PARD3B: variants seen among roughly 807,000 people sequenced by gnomAD.
The protein encoded by PARD3B is par-3 family cell polarity regulator beta.
A neutral mutation model predicts 130.2 loss-of-function variants in PARD3B; 103 were observed. The ratio of observed to expected loss-of-function variants is 0.79; its 90% CI spans 0.67 to 0.93. The LOEUF (loss-of-function observed/expected upper bound fraction) is 0.93, where lower values mean the gene tolerates loss of function less well. Ranked by LOEUF, PARD3B falls within the 40% of genes least tolerant of loss-of-function variation. PARD3B has a pLI of 0.00. For missense variants in PARD3B, 1,609 were observed against 1,499.2 expected (o/e 1.07, Z -1.21); for synonymous variants, 583 against 553.2 (o/e 1.05, Z -0.76).
intron 2 of PARD3B, among the ~76,000 whole-genome samples, chr2:204,934,011 A>T (rs1465751272): frequency 1.3e-5 from 2 of 152,152 alleles, no homozygotes; most frequent in Non-Finnish European, 2.9e-5. Context: ...CCTTATTCCT[A>T]TGAGCAAAGG....
At position 204,903,394 on chromosome 2, in the gene PARD3B, C is replaced by T. The variant is rs560574440; in HGVS notation, c.223-61758C>T. 3.3e-5 allele frequency among the ~76,000 whole-genome samples: 5 copies of T among 152,150 alleles called. No individual in the cohort carries two copies. In the East Asian group the frequency reaches 9.7e-4, roughly 29 times the overall value. On this transcript the variant is annotated intron_variant, in intron 2 of 22. Transcript: ENST00000406610. ...TTCTTCTTCTCTGTGGGGAGTAAGG[C>T]CTTAGGACATGCCATTTAATTACAT...
intron 19 of PARD3B, among the ~76,000 whole-genome samples, chr2:205,408,221 T>C (rs976236336): frequency 6.6e-6 from 1 of 152,200 alleles, no homozygotes; most frequent in Admixed American, 6.5e-5. Flanking sequence ...TTAGTTTAAA[T>C]CAATACATGT....
chr2:204,877,451 A>G (rs1387697453), intron 2 of PARD3B, among the ~76,000 whole-genome samples: 2 of 152,198 alleles, frequency 1.3e-5, no homozygotes, highest in African/African-American at 4.8e-5. Flanking sequence ...ACTCACATAG[A>G]AGGAGGGCTG....
rs989389280 is a variant in PARD3B, at chr2:205,584,061, T to C, written c.3260+30658T>C. Among the ~76,000 whole-genome samples the C allele has an allele frequency of 1.3e-5, 2 of 152,204 alleles. No homozygotes were observed. Among genetic ancestry groups the C allele is most frequent in the Admixed American group, 6.5e-5 (1 of 15,282 alleles). On this transcript the variant is annotated intron_variant, in intron 22 of 22. Coordinates refer to ENST00000406610, the MANE Select transcript of PARD3B (RefSeq NM_001302769.2). The surrounding 1 kb of genome is among the most constrained non-coding windows in gnomAD (Gnocchi z 5.5). Reference sequence around the variant, plus strand: ...TCTTGGAAACTTGATTTTCGAAGTATTTAGGAAAATGCTTCAAAGTCAAAA... The same window carrying C: ...TCTTGGAAACTTGATTTTCGAAGTACTTAGGAAAATGCTTCAAAGTCAAAA...
chr2:205,121,554 A>T lies in PARD3B; in HGVS notation c.807-37A>T. The T allele has an allele frequency of 6.3e-7, 1 of 1,576,960 alleles. No individual in the cohort carries two copies. The highest frequency in any genetic ancestry group is 1.1e-5 in the South Asian group (1 of 87,646). ...TACTTTAGAAGATGCTGCACCTCAA[A>T]GCAGGGTCATCATACATTTATCAAC... On this transcript the variant is annotated intron_variant, in intron 7 of 22. Coordinates refer to ENST00000406610, the MANE Select transcript of PARD3B (RefSeq NM_001302769.2). The surrounding 1 kb of genome is among the most constrained non-coding windows in gnomAD (Gnocchi z 5.0).
chr2:204,936,162 G>T (rs531313373), intron 2 of PARD3B, among the ~76,000 whole-genome samples: 6 of 152,238 alleles, frequency 3.9e-5, no homozygotes, highest in African/African-American at 1.4e-4. Context: ...CCGCAGCCAG[G>T]AAGAGAACCC....
At chr2:205,304,606 G>A (rs551458421) in intron 18 of PARD3B, among the ~76,000 whole-genome samples, 140 of 143,328 alleles carry the variant, frequency 9.8e-4, no homozygotes, top group East Asian at 2.5e-3. Flanking sequence ...TTGTACTCCC[G>A]CCTGGGCAAC....
intron 19 of PARD3B, among the ~76,000 whole-genome samples, chr2:205,434,347 T>G (rs1356069305): frequency 6.6e-6 from 1 of 152,218 alleles, no homozygotes; most frequent in African/African-American, 2.4e-5. Flanking sequence ...GACTATTTTT[T>G]GCTAGTATAT....
chr2:204,904,739 G>A (rs1449272794), intron 2 of PARD3B, among the ~76,000 whole-genome samples: 5 of 151,814 alleles, frequency 3.3e-5, no homozygotes, highest in African/African-American at 1.2e-4. Flanking sequence ...TCCATTAAGA[G>A]TGGGATGTTA....
Position 205,499,911 on chromosome 2 carries a change from T to G in PARD3B, c.3060T>G (p.Gly1020=). The G allele has an allele frequency of 6.2e-7, 1 of 1,613,676 alleles. No individual in the cohort carries two copies. ...LVPADSGRPT[G]GSTDRIQKLR... Reference sequence around the variant, plus strand: ...TATCCTGTAGTGGCCGTCCTACGGGTGGAAGCACTGACCGTATCCAGAAGT... The same window carrying G: ...TATCCTGTAGTGGCCGTCCTACGGGGGGAAGCACTGACCGTATCCAGAAGT... Residue 1020 remains glycine, a synonymous_variant, in exon 21 of 23, where the codon GGT becomes GGG. Coordinates refer to ENST00000406610, the MANE Select transcript of PARD3B (RefSeq NM_001302769.2).
chr2:205,419,310 G>A (rs75168132), intron 19 of PARD3B, among the ~76,000 whole-genome samples: 10,741 of 94,542 alleles, frequency 0.11, 1,170 homozygotes, highest in African/African-American at 0.31. Context: ...CATGTAAGAT[G>A]TGACTTGTTC....
intron 10 of PARD3B, among the ~76,000 whole-genome samples, chr2:205,145,379 T>C (rs977142935): frequency 4.6e-5 from 7 of 152,144 alleles, no homozygotes; most frequent in Non-Finnish European, 8.8e-5. Context: ...ACATCATTTA[T>C]CCATTTATGG....
Position 205,440,712 on chromosome 2 carries a change from G to T in PARD3B, c.3044+40G>T, listed in dbSNP as rs1306046865. On this transcript the variant is annotated intron_variant, in intron 20 of 22. Transcript: ENST00000406610. This position sits in a 1 kb window ranked among gnomAD's most constrained non-coding sequence, Gnocchi z 4.2. ...GAAAGATAAATGTAGCTTTAATTCA[G>T]TATGTTTCAAATCATCTCTACTGCT... 2.6e-6 allele frequency: 4 copies of T among 1,558,180 alleles called. No individual in the cohort carries two copies. The highest frequency in any genetic ancestry group is 3.5e-6 in the Non-Finnish European group (4 of 1,134,292).
At chr2:205,342,234 A>G (rs910342375) in intron 18 of PARD3B, among the ~76,000 whole-genome samples, 1 of 152,192 alleles carries the variant, frequency 6.6e-6, no homozygotes, top group African/African-American at 2.4e-5. Context: ...CATTAGGAAG[A>G]TGTAAGTGAA....
chr2:204,617,986 A>C (rs2034171863), intron 1 of PARD3B, among the ~76,000 whole-genome samples: 1 of 152,188 alleles, frequency 6.6e-6, no homozygotes, highest in Non-Finnish European at 1.5e-5. Context: ...TGTGATTGTG[A>C]ATAGTGCTAT....
At chr2:205,075,961 G>T (rs58412256) in intron 4 of PARD3B, among the ~76,000 whole-genome samples, 63,423 of 151,888 alleles carry the variant, frequency 0.42, 13,921 homozygotes, top group South Asian at 0.54. Flanking sequence ...TTAAAGCTAT[G>T]AAATTATATA....
At chr2:204,864,427 CT>C (rs1467053584) in intron 2 of PARD3B, among the ~76,000 whole-genome samples, 1 of 151,988 alleles carries the variant, frequency 6.6e-6, no homozygotes, top group East Asian at 1.9e-4. Flanking sequence ...GCTAAACTGA[CT>C]TTTTTTTATT....
In PARD3B at chr2:204,871,496, G is replaced by GA. The variant is rs370050464; in HGVS notation, c.223-93650dup. Among the ~76,000 whole-genome samples, 1,430 of 152,094 alleles carry GA rather than the reference G, an allele frequency of 9.4e-3. 25 individuals are homozygous for GA. Among genetic ancestry groups the GA allele is most frequent in the African/African-American group, 0.032 (1,310 of 41,518 alleles). ...GACAGAATAACATTTTCAATGGGGG[G>GA]AAAAAAGTTCAATTCTAATCCCTTC... On this transcript the variant is annotated intron_variant, in intron 2 of 22. Transcript: ENST00000406610.
intron 22 of PARD3B, among the ~76,000 whole-genome samples, chr2:205,587,486 C>G (rs16837453): frequency 0.025 from 3,736 of 152,216 alleles, 166 homozygotes; most frequent in African/African-American, 0.084. Flanking sequence ...CCGTGGCCAT[C>G]AGAAATAGTT....
Sources: allele counts gnomAD v4.1 joint callset (sites outside exome capture counted in the v4.1 genomes callset), GRCh38; gene constraint gnomAD v4.1.1; non-coding constraint Gnocchi (gnomAD v3.1); transcripts MANE v1.5; gene names NCBI Gene and HGNC (gene_info 2026-07-23, HGNC 2026-07-21).